Variants in VWC2L observed in about 807,000 individuals in gnomAD.
VWC2L encodes the protein von Willebrand factor C domain-containing protein 2-like.
VWC2L carries 10 observed loss-of-function variants against 21.6 expected under a neutral mutation model. That is an observed-to-expected ratio of 0.46 (90% CI 0.29 to 0.78). VWC2L has a LOEUF of 0.78. Ranked by LOEUF, VWC2L falls within the 30% of genes least tolerant of loss-of-function variation. The pLI is 0.10. For synonymous variants in VWC2L, 96 were observed against 94.3 expected, an observed-to-expected ratio of 1.02 and a Z score of -0.10; for missense variants, 209 against 277.1, an observed-to-expected ratio of 0.75 and a Z score of 1.74.
At chr2:214,514,389 T>C (rs1051836203) in intron 3 of VWC2L, among the ~76,000 whole-genome samples, 1 of 151,204 alleles carries the variant, frequency 6.6e-6, no homozygotes, top group African/African-American at 2.5e-5. Context: ...TATTATAATA[T>C]CAGGGCAAAT....
chr2:214,498,346 A>G (rs1211601399), intron 3 of VWC2L, among the ~76,000 whole-genome samples: 2 of 152,112 alleles, frequency 1.3e-5, no homozygotes, highest in Non-Finnish European at 2.9e-5. Flanking sequence ...GGAAAGACAT[A>G]AAGTGTGTGG....
At position 214,479,056 on chromosome 2, in the gene VWC2L, C is replaced by G. The variant is rs530395726; in HGVS notation, c.520+42298C>G. Among the ~76,000 whole-genome samples the G allele has an allele frequency of 9.8e-4, 149 of 152,264 alleles. 1 individual carries two copies. Among genetic ancestry groups the G allele is most frequent in the Non-Finnish European group, 1.5e-3 (105 of 68,024 alleles). ...CTCAAAAGTCTCTTCAGCGATGCCCCCTCCTCACTCTCACACACATTCTGA... is the reference window on the plus strand; with the variant it reads ...CTCAAAAGTCTCTTCAGCGATGCCCGCTCCTCACTCTCACACACATTCTGA... On this transcript the variant is annotated intron_variant, in intron 3 of 3. Coordinates refer to ENST00000312504, the MANE Select transcript of VWC2L (RefSeq NM_001080500.4).
intron 3 of VWC2L, among the ~76,000 whole-genome samples, chr2:214,496,228 A>C (rs1559308297): frequency 1.0e-5 from 1 of 95,772 alleles, no homozygotes; most frequent in Non-Finnish European, 2.5e-5. Context: ...GTACAATCAA[A>C]ATAAGGTATT....
At chr2:214,466,097 T>C (rs928789822) in intron 3 of VWC2L, among the ~76,000 whole-genome samples, 1 of 151,740 alleles carries the variant, frequency 6.6e-6, no homozygotes. Context: ...GGTATTGTAA[T>C]TGTCCACCTG....
At chr2:214,571,198 A>C (rs1342013500) in intron 3 of VWC2L, among the ~76,000 whole-genome samples, 1 of 152,166 alleles carries the variant, frequency 6.6e-6, no homozygotes, top group East Asian at 1.9e-4. Flanking sequence ...GATCCGGGCA[A>C]AGGAATACAG....
At chr2:214,531,367 T>A (rs1383494975) in intron 3 of VWC2L, among the ~76,000 whole-genome samples, 1 of 152,178 alleles carries the variant, frequency 6.6e-6, no homozygotes, top group Non-Finnish European at 1.5e-5. Flanking sequence ...AACAAATGCT[T>A]TTTAGATGAA....
intron 3 of VWC2L, among the ~76,000 whole-genome samples, chr2:214,448,989 T>A (rs1382447231): frequency 1.3e-5 from 2 of 152,160 alleles, no homozygotes; most frequent in Non-Finnish European, 2.9e-5. Context: ...AGGACCCTCC[T>A]GCTGTTCCCG....
chr2:214,442,927 A>G (rs1702784196), intron 3 of VWC2L, among the ~76,000 whole-genome samples: 1 of 152,202 alleles, frequency 6.6e-6, no homozygotes, highest in Non-Finnish European at 1.5e-5. Flanking sequence ...TATATTGTAT[A>G]ACATATTACT....
chr2:214,563,280 G>A (rs980138995), intron 3 of VWC2L, among the ~76,000 whole-genome samples: 2 of 152,000 alleles, frequency 1.3e-5, no homozygotes, highest in Admixed American at 6.6e-5. Context: ...GGGTGCGGTG[G>A]TGCACGCCTG....
At chr2:214,464,764 G>A (rs984638732) in intron 3 of VWC2L, among the ~76,000 whole-genome samples, 3 of 152,124 alleles carry the variant, frequency 2.0e-5, no homozygotes, top group Admixed American at 1.3e-4. Context: ...GTCCCAGAAT[G>A]TCCAGGAGGC....
At chr2:214,570,167 A>T (rs11676764) in intron 3 of VWC2L, among the ~76,000 whole-genome samples, 47,365 of 152,000 alleles carry the variant, frequency 0.31, 8,877 homozygotes, top group African/African-American at 0.54. Context: ...GAGAAGATGG[A>T]ATAAAAAGGG....
At chr2:214,535,440 G>A (rs769325252) in intron 3 of VWC2L, among the ~76,000 whole-genome samples, 6 of 141,010 alleles carry the variant, frequency 4.3e-5, no homozygotes, top group South Asian at 2.6e-4. Flanking sequence ...CCCCACCACC[G>A]TCCAGTCAAA....
At chr2:214,525,023 AG>A (rs1689306923) in intron 3 of VWC2L, among the ~76,000 whole-genome samples, 1 of 140,338 alleles carries the variant, frequency 7.1e-6, no homozygotes, top group Non-Finnish European at 1.5e-5. Flanking sequence ...CTTGGGTGCA[AG>A]AAGAGTTCTC....
At position 214,420,390 on chromosome 2, in the gene VWC2L, G is replaced by A. The variant is rs548222919; in HGVS notation, c.390+5807G>A. Reference sequence around the variant, plus strand: ...GAGGACCAGACTTATGAAAGAACAGGGAAAACCAGAGGCTGTAGAGATATC... The same window carrying A: ...GAGGACCAGACTTATGAAAGAACAGAGAAAACCAGAGGCTGTAGAGATATC... On this transcript the variant is annotated intron_variant, in intron 2 of 3. Coordinates refer to ENST00000312504, the MANE Select transcript of VWC2L (RefSeq NM_001080500.4). Among the ~76,000 whole-genome samples the A allele has an allele frequency of 2.2e-4, 34 of 152,156 alleles. No homozygotes were observed. In the South Asian group the frequency reaches 6.8e-3, roughly 31 times the overall value.
intron 1 of VWC2L, among the ~76,000 whole-genome samples, chr2:214,413,040 A>G (rs1702301250): frequency 6.6e-6 from 1 of 152,098 alleles, no homozygotes; most frequent in South Asian, 2.1e-4. Context: ...AACACTTCAC[A>G]TCAAGCACCA....
At chr2:214,469,490 G>A (rs935792921) in intron 3 of VWC2L, among the ~76,000 whole-genome samples, 2 of 152,144 alleles carry the variant, frequency 1.3e-5, no homozygotes, top group African/African-American at 4.8e-5. Context: ...AGTTACTTGG[G>A]AGGCTGAAGC....
intron 3 of VWC2L, among the ~76,000 whole-genome samples, chr2:214,536,380 A>G (rs539893793): frequency 6.6e-6 from 1 of 152,210 alleles, no homozygotes; most frequent in African/African-American, 2.4e-5. Context: ...GAATTAAAGC[A>G]AAGTTCATGA....
At chr2:214,466,311 C>T (rs1703216880) in intron 3 of VWC2L, among the ~76,000 whole-genome samples, 2 of 151,942 alleles carry the variant, frequency 1.3e-5, no homozygotes, top group African/African-American at 4.8e-5. Context: ...TGTTGCTCCA[C>T]TTCTCACTTG....
At chr2:214,573,867 G>A (rs906609788) in intron 3 of VWC2L, among the ~76,000 whole-genome samples, 2 of 152,188 alleles carry the variant, frequency 1.3e-5, no homozygotes, top group Non-Finnish European at 2.9e-5. Flanking sequence ...AAGGCCAGGC[G>A]TGGTGGCTCA....
Sources: gnomAD v4.1 joint callset for allele counts (sites outside exome capture counted in the v4.1 genomes callset) on GRCh38, gnomAD v4.1.1 for gene constraint, MANE v1.5 for transcripts, NCBI Gene and HGNC (gene_info 2026-07-23, HGNC 2026-07-21) for gene names.